RPF1: variants seen among roughly 807,000 people sequenced by gnomAD.
RPF1 encodes the protein ribosome production factor 1 homolog.
A neutral mutation model predicts 41.9 loss-of-function variants in RPF1; 34 were observed. The ratio of observed to expected loss-of-function variants is 0.81; its 90% CI spans 0.62 to 1.08. The LOEUF (loss-of-function observed/expected upper bound fraction) is 1.08. Ranked by LOEUF, RPF1 falls within the 50% of genes least tolerant of loss-of-function variation. The pLI is 0.00. For synonymous variants in RPF1, 140 were observed against 148.9 expected (o/e 0.94, Z 0.43); for missense variants, 425 against 435.2 (o/e 0.98, Z 0.21).
At chr1:84,491,603 C>T (rs908283377) in intron 5 of RPF1, among the ~76,000 whole-genome samples, 1 of 152,160 alleles carries the variant, frequency 6.6e-6, no homozygotes, top group Non-Finnish European at 1.5e-5. Flanking sequence ...CTCTTGAATA[C>T]TTAACTACTC....
chr1:84,485,083 A>C lies in RPF1; in HGVS notation c.366+2088A>C, dbSNP rs139709146. Among the ~76,000 whole-genome samples the C allele has an allele frequency of 4.3e-3, 653 of 152,102 alleles. 9 individuals carry two copies. The highest frequency in any genetic ancestry group is 0.014 in the African/African-American group (598 of 41,504). On this transcript the variant is annotated intron_variant, in intron 3 of 8. Coordinates refer to ENST00000370654, the MANE Select transcript of RPF1 (RefSeq NM_025065.7). ...CAGCATTTATTTATGTTTCATATAC[A>C]TCTTATACACATAGCCTAAAGGTAA...
At chr1:84,482,846 A>G (rs1681674672) in intron 2 of RPF1, 69 bp from the exon 3 acceptor site, 1 of 962,946 alleles carries the variant, frequency 1.0e-6, no homozygotes, top group Non-Finnish European at 1.6e-6. Context: ...GCTTTCTGTT[A>G]TTTTTCTCCA....
chr1:84,494,018 A>G (rs1681884745), intron 5 of RPF1, among the ~76,000 whole-genome samples: 2 of 152,210 alleles, frequency 1.3e-5, no homozygotes, highest in African/African-American at 4.8e-5. Context: ...GAAGGTATCT[A>G]GTTTGTTTTT....
chr1:84,490,439 C>G lies in RPF1; in HGVS notation c.583C>G (p.Leu195Val), dbSNP rs766698979. ...GTGCATCGCAAGAGATTTCACAGAC[C>G]TGATTGTTATTAATGAAGATCGTAA... ...PQCIARDFTD[L>V]IVINEDRKTP... Residue 195 changes from leucine to valine, a missense_variant, in exon 5 of 9, where the codon CTG becomes GTG. Coordinates refer to ENST00000370654, the MANE Select transcript of RPF1 (RefSeq NM_025065.7). The G allele has an allele frequency of 1.6e-5, 26 of 1,601,970 alleles. No homozygotes were observed. The highest frequency in any genetic ancestry group is 2.1e-5 in the Non-Finnish European group (25 of 1,176,026).
chr1:84,493,458 A>G (rs1681872169), intron 5 of RPF1, among the ~76,000 whole-genome samples: 2 of 151,866 alleles, frequency 1.3e-5, no homozygotes, highest in Admixed American at 6.6e-5. Context: ...TTAGCTGGGC[A>G]TGATGCCTGT....
intron 1 of RPF1, 96 bp from the exon 2 acceptor site, chr1:84,480,860 G>C (rs1681632873): frequency 3.0e-6 from 2 of 676,004 alleles, no homozygotes; most frequent in Non-Finnish European, 5.2e-6. Flanking sequence ...CGCCCAGTTC[G>C]AGTATTCATA....
At position 84,495,953 on chromosome 1, in the gene RPF1, T is replaced by C. The variant is rs540950254; in HGVS notation, c.771T>C (p.His257=). ...ATAATTTTACAACACGGCTGGGTCA[T>C]TCAATTGGACGTATGTTTGCATCTC... ...ILNNFTTRLG[H]SIGRMFASLF... is the part of the protein sequence containing the mutation. The change falls in exon 7 of 9, where the codon CAT becomes CAC. Residue 257 remains histidine, a synonymous_variant. Coordinates refer to ENST00000370654, the MANE Select transcript of RPF1 (RefSeq NM_025065.7). 4.0e-5 allele frequency: 65 copies of C among 1,611,206 alleles called. No homozygotes were observed. Among genetic ancestry groups the C allele is most frequent in the Non-Finnish European group, 5.5e-5 (65 of 1,177,506 alleles).
intron 1 of RPF1, among the ~76,000 whole-genome samples, 174 bp from the exon 2 acceptor site, chr1:84,480,782 A>C (rs1001191318): frequency 6.6e-6 from 1 of 152,216 alleles, no homozygotes; most frequent in Admixed American, 6.5e-5. Flanking sequence ...TGGCCAGCTC[A>C]TTTGGCTTAC....
At position 84,497,478 on chromosome 1, in the gene RPF1, A is replaced by G; in HGVS notation, c.*8A>G. On this transcript the variant is annotated 3_prime_UTR_variant, in exon 9 of 9. Transcript: ENST00000370654. ...AGAAAATTCCATTTATAAAGTACTG[A>G]GAGAATGATATTGGATTTTGCTGAA... 1 of 1,603,278 alleles carries G rather than the reference A, an allele frequency of 6.2e-7. No individual in the cohort carries two copies. The highest frequency in any genetic ancestry group is 8.5e-7 in the Non-Finnish European group (1 of 1,172,296).
intron 3 of RPF1, 134 bp downstream of exon 3, chr1:84,483,129 AT>A (rs1300374846): frequency 1.9e-6 from 1 of 533,102 alleles, no homozygotes; most frequent in Non-Finnish European, 3.4e-6. Context: ...TTGGCATATT[AT>A]CTTATTATTT....
rs1315798763 is a variant in RPF1 at position 84,498,061 on chromosome 1, TGTA to T, written c.*595_*597del. On this transcript the variant is annotated 3_prime_UTR_variant, in exon 9 of 9. Coordinates refer to ENST00000370654, the MANE Select transcript of RPF1 (RefSeq NM_025065.7). Reference sequence around the variant, plus strand: ...TCTTTTTTACCTCATTACATGGTGCTGTAGTACTCCATTCAGGCACTGAAACAA... The same window carrying T: ...TCTTTTTTACCTCATTACATGGTGCTGTACTCCATTCAGGCACTGAAACAA... Among the ~76,000 whole-genome samples the T allele has an allele frequency of 5.9e-5, 9 of 152,320 alleles. No individual in the cohort carries two copies. Among genetic ancestry groups the T allele is most frequent in the African/African-American group, 2.2e-4 (9 of 41,572 alleles).
chr1:84,488,545 T>C (rs1681774266), intron 3 of RPF1, among the ~76,000 whole-genome samples: 1 of 152,158 alleles, frequency 6.6e-6, no homozygotes. Context: ...TTTGACCCAT[T>C]TTTCTCCCAT....
chr1:84,494,492 A>G (rs776801954), intron 5 of RPF1, among the ~76,000 whole-genome samples: 13 of 152,256 alleles, frequency 8.5e-5, no homozygotes, highest in Non-Finnish European at 1.6e-4. Flanking sequence ...CTAGAAAAGC[A>G]TAATACAAAG....
Position 84,497,756 on chromosome 1 carries a change from A to G in RPF1, c.*286A>G. The G allele has an allele frequency of 3.4e-6, 1 of 293,712 alleles. No individual in the cohort carries two copies. Among genetic ancestry groups the G allele is most frequent in the South Asian group, 6.3e-5 (1 of 15,968 alleles). The allele number at this position is 293,712 out of a possible 1,614,324, so 18.2% of individuals were successfully genotyped here. On this transcript the variant is annotated 3_prime_UTR_variant, in exon 9 of 9. Transcript: ENST00000370654. ...GATTCAGATTAACTTTCCTATTTGCATAGAACACATGAGAGGAATAAAATG... is the reference window on the plus strand; with the variant it reads ...GATTCAGATTAACTTTCCTATTTGCGTAGAACACATGAGAGGAATAAAATG...
chr1:84,487,413 G>T (rs1263616364), intron 3 of RPF1, among the ~76,000 whole-genome samples: 1 of 152,100 alleles, frequency 6.6e-6, no homozygotes, highest in African/African-American at 2.4e-5. Context: ...GTTTTCTTTA[G>T]AGATAAGCCA....
chr1:84,479,580 C>G, intron 1 of RPF1, 71 bp downstream of exon 1: 2 of 1,419,038 alleles, frequency 1.4e-6, no homozygotes, highest in Non-Finnish European at 9.8e-7. Flanking sequence ...GCGGGGCGCA[C>G]ATCTGTGGTT....
In RPF1 at chr1:84,479,310, G is replaced by A. The variant is rs752791525; in HGVS notation, c.29G>A (p.Ser10Asn). Residue 10 changes from serine (S) to asparagine (N), a missense_variant, in exon 1 of 9, where the codon AGC becomes AAC. Physicochemically the swap from Ser to Asn is conservative, Grantham distance 46. Coordinates refer to ENST00000370654, the MANE Select transcript of RPF1 (RefSeq NM_025065.7). ...GCGAAAGCCGGGGATAAGAGCAGCA[G>A]CAGCGGGAAGAAAAGTCTAAAACGG... MAKAGDKSS[S>N]SGKKSLKRKA... is the part of the protein sequence containing the mutation. 9 of 1,608,682 alleles carry A rather than the reference G, an allele frequency of 5.6e-6. 1 individual carries two copies. The South Asian group carries it at 9.9e-5, about 18-fold the overall frequency.
Position 84,497,553 on chromosome 1 carries a change from CA to C in RPF1, c.*87del. 9.7e-7 allele frequency: 1 copy of C among 1,032,110 alleles called. No homozygotes were observed. Among genetic ancestry groups the C allele is most frequent in the Admixed American group, 2.4e-5 (1 of 41,204 alleles). 63.9% of individuals were successfully genotyped at this position (1,032,110 alleles called of 1,614,324 possible). On this transcript the variant is annotated 3_prime_UTR_variant, in exon 9 of 9. Coordinates refer to ENST00000370654, the MANE Select transcript of RPF1 (RefSeq NM_025065.7). ...ATTATTTTTGACAGAATACTCTTTT[CA>C]AAATGGCATTTGCTGATTTCATAAA...
chr1:84,497,187 T>C (rs1681955899), intron 8 of RPF1, among the ~76,000 whole-genome samples: 1 of 150,588 alleles, frequency 6.6e-6, no homozygotes, highest in Non-Finnish European at 1.5e-5. Flanking sequence ...TCCTTTTCTA[T>C]CTAGTATAAG....
Sources: gnomAD v4.1 joint callset for allele counts (sites outside exome capture counted in the v4.1 genomes callset) on GRCh38, gnomAD v4.1.1 for gene constraint, MANE v1.5 for transcripts, NCBI Gene and HGNC (gene_info 2026-07-23, HGNC 2026-07-21) for gene names.